Variants in BMP3 observed in about 807,000 individuals in gnomAD.
BMP3 encodes the protein bone morphogenetic protein 3.
A neutral mutation model predicts 38.1 loss-of-function variants in BMP3; 23 were observed. The ratio of observed to expected loss-of-function variants is 0.60; its 90% CI spans 0.43 to 0.86. The LOEUF is 0.86. BMP3 is among the 40% of genes least tolerant of loss of function. The pLI is 0.00. For synonymous variants in BMP3, 258 were observed against 225.7 expected (o/e 1.14, Z -1.28); for missense variants, 628 against 579.6 (o/e 1.08, Z -0.86).
chr4:81,056,918 C>T lies in BMP3; in HGVS notation c.*3382C>T, dbSNP rs1417905313. 1 of 152,562 alleles carries T rather than the reference C, an allele frequency of 6.6e-6. No individual in the cohort carries two copies. Among genetic ancestry groups the T allele is most frequent in the African/African-American group, 2.4e-5 (1 of 41,422 alleles). 9.5% of individuals were successfully genotyped at this position (152,562 alleles called of 1,614,324 possible). A position where few individuals can be genotyped will look rare whatever the true frequency, so the allele number is the denominator to read the frequency against. ...TTTCAGTTTAGTCTTTCTGCTTTCA[C>T]TTTTCTCTGTGCTAACAAGTAACTA... On this transcript the variant is annotated 3_prime_UTR_variant, in exon 3 of 3. Transcript: ENST00000282701.
chr4:81,043,633 G>A (rs1027414734), intron 1 of BMP3, among the ~76,000 whole-genome samples: 2 of 136,712 alleles, frequency 1.5e-5, no homozygotes, highest in Non-Finnish European at 3.0e-5. Flanking sequence ...TGTTGCCCAG[G>A]CTGGTGTGCA....
At chr4:81,035,842 A>T (rs1294450634) in intron 1 of BMP3, among the ~76,000 whole-genome samples, 1 of 152,060 alleles carries the variant, frequency 6.6e-6, no homozygotes, top group Admixed American at 6.5e-5. Flanking sequence ...AATGCTAATG[A>T]GTCCCCATAA....
intron 1 of BMP3, among the ~76,000 whole-genome samples, chr4:81,040,899 A>G (rs1740055857): frequency 6.6e-6 from 1 of 152,176 alleles, no homozygotes; most frequent in Non-Finnish European, 1.5e-5. Context: ...GTTTGCTCTT[A>G]TTAATCAGGA....
At position 81,056,368 on chromosome 4, in the gene BMP3, C is replaced by T. The variant is rs1375019151; in HGVS notation, c.*2832C>T. 2.0e-5 allele frequency: 3 copies of T among 151,542 alleles called. No individual in the cohort carries two copies. The highest frequency in any genetic ancestry group is 4.4e-5 in the Non-Finnish European group (3 of 67,902). 9.4% of individuals were successfully genotyped at this position (151,542 alleles called of 1,614,324 possible). On this transcript the variant is annotated 3_prime_UTR_variant, in exon 3 of 3. Transcript: ENST00000282701. The stretch of plus-strand genomic sequence containing the variant: ...CTTTTTTTTTTTAAATGGAGTTTCA[C>T]TCTTGTCGCCCAGGCTGGAGTGCAG...
At chr4:81,046,714 G>C in intron 2 of BMP3, 66 bp downstream of exon 2, 22 of 1,514,782 alleles carry the variant, frequency 1.5e-5, no homozygotes, top group Non-Finnish European at 2.0e-5. Context: ...CATTGACTAA[G>C]TTAGTGTGCA....
At chr4:81,047,206 C>T (rs1740275372) in intron 2 of BMP3, among the ~76,000 whole-genome samples, 1 of 152,184 alleles carries the variant, frequency 6.6e-6, no homozygotes, top group African/African-American at 2.4e-5. Context: ...TCATTTGCTT[C>T]ATTGCTAAAC....
intron 2 of BMP3, among the ~76,000 whole-genome samples, chr4:81,051,401 A>G (rs1007524798): frequency 2.0e-5 from 3 of 152,150 alleles, no homozygotes; most frequent in Admixed American, 2.0e-4. Context: ...TGCACAGGAG[A>G]ATTTAGCACC....
intron 1 of BMP3, among the ~76,000 whole-genome samples, chr4:81,032,214 A>AAAC (rs1553913135): frequency 2.1e-5 from 3 of 141,244 alleles, no homozygotes; most frequent in Admixed American, 7.0e-5. Flanking sequence ...AAAAAAAAAA[A>AAAC]AAAAAACAGG....
chr4:81,032,141 C>T (rs143922787), intron 1 of BMP3, among the ~76,000 whole-genome samples: 1 of 127,466 alleles, frequency 7.8e-6, no homozygotes, highest in Non-Finnish European at 1.6e-5. Flanking sequence ...CTAATTCGCG[C>T]CCTTTGTGTT....
Position 81,046,449 on chromosome 4 carries a change from A to G in BMP3, c.1028A>G (p.His343Arg). ...AAAAAGAAACAGAGAAAGGGGCCTC[A>G]TCGGAAGAGCCAGACGCTCCAATTT... is the stretch of plus-strand genomic sequence containing the variant. ...KNKKKQRKGP[H>R]RKSQTLQFDE... Residue 343 changes from histidine (H) to arginine (R), a missense_variant, in exon 2 of 3, where the codon CAT becomes CGT. Transcript: ENST00000282701. The G allele has an allele frequency of 6.2e-7, 1 of 1,614,030 alleles. No homozygotes were observed.
intron 1 of BMP3, among the ~76,000 whole-genome samples, chr4:81,040,331 C>T (rs1017288292): frequency 6.6e-6 from 1 of 152,106 alleles, no homozygotes; most frequent in Non-Finnish European, 1.5e-5. Context: ...AGGGATGAGA[C>T]GTTCTCTCGT....
rs1376081570 is a variant in BMP3, at chr4:81,055,798, A to G, written c.*2262A>G. 1 of 152,126 alleles carries G rather than the reference A, an allele frequency of 6.6e-6. No homozygotes were observed. Among genetic ancestry groups the G allele is most frequent in the Non-Finnish European group, 1.5e-5 (1 of 68,026 alleles). The allele number at this position is 152,126 out of a possible 1,614,324, so 9.4% of individuals were successfully genotyped here. On this transcript the variant is annotated 3_prime_UTR_variant, in exon 3 of 3. Coordinates refer to ENST00000282701, the MANE Select transcript of BMP3 (RefSeq NM_001201.5). Reference sequence around the variant, plus strand: ...TGGCCAAAAACCCACTACATAATAAAATTTACAGGTACTAACTAGTTAAGA... The same window carrying G: ...TGGCCAAAAACCCACTACATAATAAGATTTACAGGTACTAACTAGTTAAGA...
At position 81,030,755 on chromosome 4, in the gene BMP3, GCGCA is replaced by G. The variant is rs1739720114; in HGVS notation, c.-528_-525del. Among the ~76,000 whole-genome samples the G allele has an allele frequency of 2.0e-5, 3 of 150,108 alleles. No homozygotes were observed. On this transcript the variant is annotated 5_prime_UTR_variant, in exon 1 of 3. Transcript: ENST00000282701. ...CACACGCACACACGCGCGCGCGCGC[GCGCA>G]CACACACACACACGTACACTAAAAA...
chr4:81,053,165 AAAT>A (rs1353442783), intron 2 of BMP3, among the ~76,000 whole-genome samples, 177 bp from the exon 3 acceptor site: 3 of 152,198 alleles, frequency 2.0e-5, no homozygotes, highest in Admixed American at 6.6e-5. Flanking sequence ...GGCACTTAAT[AAAT>A]AATAACCATT....
At chr4:81,049,149 TA>T (rs1740340219) in intron 2 of BMP3, among the ~76,000 whole-genome samples, 1 of 152,150 alleles carries the variant, frequency 6.6e-6, no homozygotes, top group African/African-American at 2.4e-5. Flanking sequence ...AGGTTATCAA[TA>T]AATACCTGTT....
intron 2 of BMP3, among the ~76,000 whole-genome samples, chr4:81,051,281 T>G (rs1389411033): frequency 6.6e-6 from 1 of 152,176 alleles, no homozygotes; most frequent in Non-Finnish European, 1.5e-5. Flanking sequence ...AGGAACTATT[T>G]CCACAGAAAT....
chr4:81,044,750 C>A (rs1740184671), intron 1 of BMP3, among the ~76,000 whole-genome samples: 1 of 152,178 alleles, frequency 6.6e-6, no homozygotes, highest in African/African-American at 2.4e-5. Context: ...GTCTTGCTTT[C>A]ATTTAGCATA....
rs1458943170 is a variant in BMP3, at chr4:81,031,148, C to T, written c.-137C>T. The stretch of plus-strand genomic sequence containing the variant: ...GGGCTGGCCGCTATCTCGCTGCACC[C>T]GGCCGCGTCCCGGGCTCCGTGCGCC... On this transcript the variant is annotated 5_prime_UTR_variant, in exon 1 of 3. Coordinates refer to ENST00000282701, the MANE Select transcript of BMP3 (RefSeq NM_001201.5). The T allele has an allele frequency of 8.5e-6, 8 of 941,366 alleles. No individual in the cohort carries two copies. The highest frequency in any genetic ancestry group is 1.8e-5 in the South Asian group (1 of 57,036). The allele number at this position is 941,366 out of a possible 1,614,324, so 58.3% of individuals were successfully genotyped here. A position where few individuals can be genotyped will look rare whatever the true frequency, so the allele number is the denominator to read the frequency against.
chr4:81,041,273 T>G lies in BMP3; in HGVS notation c.317-4465T>G, dbSNP rs113877630. On this transcript the variant is annotated intron_variant, in intron 1 of 2. Coordinates refer to ENST00000282701, the MANE Select transcript of BMP3 (RefSeq NM_001201.5). The stretch of plus-strand genomic sequence containing the variant: ...CCCCATGCTGCTCGCTTATTACAAT[T>G]TTTTTCATCCATTGTAAATGCTCAG... Among the ~76,000 whole-genome samples the G allele has an allele frequency of 4.6e-3, 707 of 152,332 alleles. 4 individuals are homozygous for G. The highest frequency in any genetic ancestry group is 0.016 in the African/African-American group (678 of 41,576).
Sources: gnomAD v4.1 joint callset for allele counts (sites outside exome capture counted in the v4.1 genomes callset) on GRCh38, gnomAD v4.1.1 for gene constraint, MANE v1.5 for transcripts, NCBI Gene and HGNC (gene_info 2026-07-23, HGNC 2026-07-21) for gene names.